The following PDGFRA variants were observed in gnomAD, a reference collection of about 807,000 sequenced individuals.
PDGFRA encodes the protein platelet-derived growth factor receptor alpha.
Under a neutral mutation model 121.5 loss-of-function variants are expected in PDGFRA, and 25 were observed. The observed-to-expected ratio is 0.21, with a 90% CI of 0.15 to 0.29. PDGFRA has a LOEUF of 0.29. Ranked by LOEUF, PDGFRA falls within the 10% of genes least tolerant of loss-of-function variation. PDGFRA has a pLI of 1.00. For missense variants in PDGFRA, 1,008 were observed against 1,345.1 expected (o/e 0.75, Z 3.92); for synonymous variants, 463 against 494.8 (o/e 0.94, Z 0.85).
At position 54,233,854 on chromosome 4, in the gene PDGFRA, C is replaced by T. The variant is rs548443772; in HGVS notation, c.-13+4439C>T. Among the ~76,000 whole-genome samples, 141 of 152,242 alleles carry T rather than the reference C, an allele frequency of 9.3e-4. 1 individual carries two copies. The highest frequency in any genetic ancestry group is 3.0e-3 in the African/African-American group (125 of 41,556). ...TGTTGCTGTTTGTTTGTTTTACGACCCTGCGTTATTGTGCAACGGTAACAG... is the reference window on the plus strand; with the variant it reads ...TGTTGCTGTTTGTTTGTTTTACGACTCTGCGTTATTGTGCAACGGTAACAG... On this transcript the variant is annotated intron_variant, in intron 1 of 22. Transcript: ENST00000257290.
rs575663688 is a variant in PDGFRA at position 54,296,599 on chromosome 4, C to A, written c.*1327C>A. The A allele has an allele frequency of 4.3e-5, 10 of 232,434 alleles. No homozygotes were observed. Among genetic ancestry groups the A allele is most frequent in the Middle Eastern group, 1.3e-3 (1 of 780 alleles). 14.4% of individuals were successfully genotyped at this position (232,434 alleles called of 1,614,324 possible). ...CTCAGTTCTCAAATGTGTGTGGCAG[C>A]CAGGATGACTAGATCCTGGGTTTCC... is the stretch of plus-strand genomic sequence containing the variant. On this transcript the variant is annotated 3_prime_UTR_variant, in exon 23 of 23. Coordinates refer to ENST00000257290, the MANE Select transcript of PDGFRA (RefSeq NM_006206.6).
rs572269045 is a variant in PDGFRA, at chr4:54,238,861, A to G, written c.-13+9446A>G. On this transcript the variant is annotated intron_variant, in intron 1 of 22. Coordinates refer to ENST00000257290, the MANE Select transcript of PDGFRA (RefSeq NM_006206.6). ...ATGGTGCAGGCCTATAGTCCCAGCT[A>G]CTGGTCTGAGGGGCAGTTGGGTGGC... Among the ~76,000 whole-genome samples the G allele has an allele frequency of 2.0e-5, 3 of 152,268 alleles. No homozygotes were observed. The Middle Eastern group carries it at 0.01, about 518-fold the overall frequency.
rs980754775 is a variant in PDGFRA, at chr4:54,297,199, TG to T, written c.*1928del. On this transcript the variant is annotated 3_prime_UTR_variant, in exon 23 of 23. Coordinates refer to ENST00000257290, the MANE Select transcript of PDGFRA (RefSeq NM_006206.6). The stretch of plus-strand genomic sequence containing the variant: ...TTGGTGTGGGTTCATTGGCATTCTT[TG>T]CAATACTGCTTAATTGCTGATACCA... The T allele has an allele frequency of 1.3e-5, 3 of 233,568 alleles. No homozygotes were observed. The highest frequency in any genetic ancestry group is 2.2e-5 in the African/African-American group (1 of 45,354). 14.5% of individuals were successfully genotyped at this position (233,568 alleles called of 1,614,324 possible). A position where few individuals can be genotyped will look rare whatever the true frequency, so the allele number is the denominator to read the frequency against.
chr4:54,235,694 C>A (rs2110175418), intron 1 of PDGFRA, among the ~76,000 whole-genome samples: 1 of 152,246 alleles, frequency 6.6e-6, no homozygotes, highest in Non-Finnish European at 1.5e-5. Context: ...AGGTGCAGGG[C>A]AAGTCATGTG....
chr4:54,235,856 C>T (rs1720979727), intron 1 of PDGFRA, among the ~76,000 whole-genome samples: 1 of 152,258 alleles, frequency 6.6e-6, no homozygotes. Flanking sequence ...ACAGGGCAAG[C>T]AACCAGTCAG....
intron 1 of PDGFRA, among the ~76,000 whole-genome samples, chr4:54,251,881 C>T (rs762197048): frequency 4.6e-5 from 7 of 152,136 alleles, no homozygotes; most frequent in Non-Finnish European, 1.0e-4. Flanking sequence ...GCCTATGTGG[C>T]AAATAATTAT....
chr4:54,280,900 T>C (rs2110326834), intron 16 of PDGFRA: 1 of 166,638 alleles, frequency 6.0e-6, no homozygotes, highest in Admixed American at 5.8e-5. Context: ...TTATGTTGGT[T>C]CCTCACCTTG....
At chr4:54,249,547 T>G (rs897295725) in intron 1 of PDGFRA, among the ~76,000 whole-genome samples, 9 of 151,782 alleles carry the variant, frequency 5.9e-5, no homozygotes, top group African/African-American at 2.2e-4. Flanking sequence ...AAAAACCAAA[T>G]GCCGCATATT....
intron 1 of PDGFRA, among the ~76,000 whole-genome samples, chr4:54,236,570 G>A (rs1288727626): frequency 1.3e-5 from 2 of 152,190 alleles, no homozygotes; most frequent in African/African-American, 4.8e-5. Flanking sequence ...TTGGGAAGCC[G>A]ACGTGGGTGA....
chr4:54,266,177 AT>A (rs200164097), intron 5 of PDGFRA, among the ~76,000 whole-genome samples: 12 of 151,824 alleles, frequency 7.9e-5, no homozygotes, highest in East Asian at 1.9e-4. Flanking sequence ...GGAGACAGCA[AT>A]TTTTTTTTCC....
At chr4:54,248,368 A>C (rs1057510139) in intron 1 of PDGFRA, among the ~76,000 whole-genome samples, 13 of 152,214 alleles carry the variant, frequency 8.5e-5, no homozygotes, top group African/African-American at 3.1e-4. Context: ...CAAAACAGAG[A>C]TATAGATCAA....
rs780304142 is a variant in PDGFRA, at chr4:54,263,659, AACC to A, written c.368-5_368-3del. ...CTAATAGAGTCTTCATTCTTTTTTA[AACC>A]ACAGACCCAGATGTAGCCTTTGTAC... is the stretch of plus-strand genomic sequence containing the variant. On this transcript the variant is annotated splice_region_variant and splice_polypyrimidine_tract_variant and intron_variant, in intron 3 of 22. Coordinates refer to ENST00000257290, the MANE Select transcript of PDGFRA (RefSeq NM_006206.6). 1 of 1,613,524 alleles carries A rather than the reference AACC, an allele frequency of 6.2e-7. No homozygotes were observed. The highest frequency in any genetic ancestry group is 1.1e-5 in the South Asian group (1 of 91,068).
chr4:54,272,880 A>T (rs1295047093), intron 9 of PDGFRA, among the ~76,000 whole-genome samples: 1 of 152,140 alleles, frequency 6.6e-6, no homozygotes, highest in Non-Finnish European at 1.5e-5. Context: ...TGGTGGGTTA[A>T]TTCGCCATTC....
rs1020566095 is a variant in PDGFRA at position 54,298,186 on chromosome 4, T to C, written c.*2914T>C. The stretch of plus-strand genomic sequence containing the variant: ...ACGAATGCCCCTGTTCATGTTTTTG[T>C]TTTAAAACGTGTAAATGAAGATCTT... On this transcript the variant is annotated 3_prime_UTR_variant, in exon 23 of 23. Coordinates refer to ENST00000257290, the MANE Select transcript of PDGFRA (RefSeq NM_006206.6). 1 of 205,358 alleles carries C rather than the reference T, an allele frequency of 4.9e-6. No homozygotes were observed. The highest frequency in any genetic ancestry group is 2.3e-5 in the African/African-American group (1 of 43,788). The allele number at this position is 205,358 out of a possible 1,614,324, so 12.7% of individuals were successfully genotyped here. A position where few individuals can be genotyped will look rare whatever the true frequency, so the allele number is the denominator to read the frequency against.
rs562812305 is a variant in PDGFRA at position 54,259,896 on chromosome 4, C to A, written c.49+1079C>A. Reference sequence around the variant, plus strand: ...TATCTCTTCTATCAGTCTCGGGTTTCTTGTTTTCTAAGTTCTGTGCTCCAT... The same window carrying A: ...TATCTCTTCTATCAGTCTCGGGTTTATTGTTTTCTAAGTTCTGTGCTCCAT... On this transcript the variant is annotated intron_variant, in intron 2 of 22. Transcript: ENST00000257290. Among the ~76,000 whole-genome samples, 97 of 152,290 alleles carry A rather than the reference C, an allele frequency of 6.4e-4. 1 individual carries two copies. The highest frequency in any genetic ancestry group is 4.6e-4 in the Admixed American group (7 of 15,292).
intron 1 of PDGFRA, among the ~76,000 whole-genome samples, chr4:54,246,621 T>G (rs1305554730): frequency 6.6e-6 from 1 of 151,686 alleles, no homozygotes; most frequent in Admixed American, 6.6e-5. Flanking sequence ...GCAGGAAAGA[T>G]CCAAAATTGT....
intron 1 of PDGFRA, among the ~76,000 whole-genome samples, chr4:54,230,931 C>T (rs1271481293): frequency 6.6e-6 from 1 of 152,208 alleles, no homozygotes; most frequent in Non-Finnish European, 1.5e-5. Context: ...TGTTCTATTC[C>T]GGGAGGGTGT....
rs1380761451 is a variant in PDGFRA at position 54,296,220 on chromosome 4, T to C, written c.*948T>C. 4.3e-6 allele frequency: 1 copy of C among 232,792 alleles called. No homozygotes were observed. Among genetic ancestry groups the C allele is most frequent in the African/African-American group, 2.2e-5 (1 of 45,306 alleles). The allele number at this position is 232,792 out of a possible 1,614,324, so 14.4% of individuals were successfully genotyped here. ...CGTATTAAAAAACAATTAACTGCCC[T>C]CTGAAATAATGGGATTAGAAACAAA... On this transcript the variant is annotated 3_prime_UTR_variant, in exon 23 of 23. Transcript: ENST00000257290.
At chr4:54,264,099 A>C in intron 4 of PDGFRA, 172 bp downstream of exon 4, 1 of 636,558 alleles carries the variant, frequency 1.6e-6, no homozygotes, top group Non-Finnish European at 2.7e-6. Flanking sequence ...ATAAGCTTAA[A>C]ATTACTAAAG....
Sources: allele counts gnomAD v4.1 joint callset (sites outside exome capture counted in the v4.1 genomes callset), GRCh38; gene constraint gnomAD v4.1.1; transcripts MANE v1.5; gene names NCBI Gene and HGNC (gene_info 2026-07-23, HGNC 2026-07-21).